ATXN3: variants seen among roughly 807,000 people sequenced by gnomAD.
ATXN3 encodes the protein ataxin 3.
Under a neutral mutation model 58.2 loss-of-function variants are expected in ATXN3, and 28 were observed. That is an observed-to-expected ratio of 0.48 (90% CI 0.36 to 0.66). ATXN3 has a LOEUF of 0.66. Among genes scored for constraint, ATXN3 ranks in the 30% least tolerant of loss-of-function variants. The probability of loss-of-function intolerance (pLI) is 0.00; values close to 1 mark genes in which losing one functional copy is unlikely to be tolerated. For synonymous variants in ATXN3, 113 were observed against 138.5 expected (o/e 0.82, Z 1.29); for missense variants, 321 against 422.1 (o/e 0.76, Z 2.10).
chr14:92,080,811 C>T (rs761770661), intron 9 of ATXN3, 154 bp downstream of exon 9: 1 of 683,336 alleles, frequency 1.5e-6, no homozygotes, highest in South Asian at 1.5e-5. Context: ...GCTAGCATCA[C>T]AGGCGTAAGC....
chr14:92,073,287 G>T (rs747075248), intron 9 of ATXN3, among the ~76,000 whole-genome samples: 1 of 152,240 alleles, frequency 6.6e-6, no homozygotes, highest in Non-Finnish European at 1.5e-5. Context: ...TGTTCAAGTG[G>T]TACTCAGCAT....
downstream of ATXN3, among the ~76,000 whole-genome samples, chr14:92,054,797 C>T (rs548766971): frequency 2.6e-5 from 4 of 152,238 alleles, no homozygotes; most frequent in South Asian, 4.2e-4. Context: ...GTATCATCCC[C>T]GGACTGGCAG....
Position 92,082,356 on chromosome 14 carries a change from A to G in ATXN3, c.719T>C (p.Ile240Thr). ...QRALALSRQEIDMEDEEADLR... is the reference protein window; with the variant it reads ...QRALALSRQETDMEDEEADLR... ...ATCTGCTTCCTCATCTTCCATGTCA[A>G]TTTCTTGGCGACTTAGTGCCAGAGC... is the stretch of plus-strand genomic sequence containing the variant. The change falls in exon 8 of 11, where the codon ATT becomes ACT. Residue 240 changes from isoleucine (I) to threonine (T), a missense_variant. Physicochemically the swap from Ile to Thr is moderately conservative, Grantham distance 89 (BLOSUM62 -1). Coordinates refer to ENST00000644486, the MANE Select transcript of ATXN3 (RefSeq NM_004993.6). 6.2e-7 allele frequency: 1 copy of G among 1,614,028 alleles called. No individual in the cohort carries two copies. Among genetic ancestry groups the G allele is most frequent in the Non-Finnish European group, 8.5e-7 (1 of 1,180,004 alleles).
At position 92,082,455 on chromosome 14, in the gene ATXN3, G is replaced by C; in HGVS notation, c.620C>G (p.Thr207Arg). 1 of 1,613,518 alleles carries C rather than the reference G, an allele frequency of 6.2e-7. No individual in the cohort carries two copies. Among genetic ancestry groups the C allele is most frequent in the Non-Finnish European group, 8.5e-7 (1 of 1,179,674 alleles). ...AQLKEQRVHK[T>R]DLERVLEAND... is the part of the protein sequence containing the mutation. ...TGCTTCTAACACTCGTTCCAGGTCTGTTTTATGGACTCTAAAGAACAAAAG... is the reference window on the plus strand; with the variant it reads ...TGCTTCTAACACTCGTTCCAGGTCTCTTTTATGGACTCTAAAGAACAAAAG... The change falls in exon 8 of 11, where the codon ACA becomes AGA. Residue 207 changes from threonine (T) to arginine (R), a missense_variant. Coordinates refer to ENST00000644486, the MANE Select transcript of ATXN3 (RefSeq NM_004993.6).
At chr14:92,074,408 T>C (rs1354646972) in intron 9 of ATXN3, among the ~76,000 whole-genome samples, 1 of 152,176 alleles carries the variant, frequency 6.6e-6, no homozygotes, top group Non-Finnish European at 1.5e-5. Context: ...GCAAAGCCAT[T>C]TGGGAGATGC....
chr14:92,072,301 A>T (rs992410184), intron 9 of ATXN3, among the ~76,000 whole-genome samples: 6 of 152,328 alleles, frequency 3.9e-5, no homozygotes, highest in African/African-American at 1.4e-4. Flanking sequence ...CAGAAAGGCC[A>T]ATAATTGGGG....
At position 92,106,567 on chromosome 14, in the gene ATXN3, A is replaced by T. The variant is rs773864210; in HGVS notation, c.-15T>A. The T allele has an allele frequency of 1.2e-6, 2 of 1,612,588 alleles. No individual in the cohort carries two copies. The highest frequency in any genetic ancestry group is 1.1e-5 in the South Asian group (1 of 91,030). On this transcript the variant is annotated 5_prime_UTR_variant, in exon 1 of 11. Transcript: ENST00000644486. Reference sequence around the variant, plus strand: ...ATGGACTCCATGTTTATTTGTCTGGAGCCAACGGCCCCCACGCCGAACCAC... The same window carrying T: ...ATGGACTCCATGTTTATTTGTCTGGTGCCAACGGCCCCCACGCCGAACCAC...
chr14:92,082,632 G>GT (rs967500225), intron 7 of ATXN3, among the ~76,000 whole-genome samples, 166 bp from the exon 8 acceptor site: 126 of 144,010 alleles, frequency 8.7e-4, no homozygotes, highest in African/African-American at 1.2e-3. Flanking sequence ...ATCCAACTAA[G>GT]TTTTTTTTTT....
At chr14:92,096,363 A>C in intron 2 of ATXN3, 1 of 1,367,670 alleles carries the variant, frequency 7.3e-7, no homozygotes, top group Non-Finnish European at 9.7e-7. Context: ...GGTGGCTCAC[A>C]CCTATAATCC....
chr14:92,106,259 G>T (rs1258474021), intron 1 of ATXN3, among the ~76,000 whole-genome samples: 1 of 152,262 alleles, frequency 6.6e-6, no homozygotes, highest in East Asian at 1.9e-4. Flanking sequence ...AACCCACTGG[G>T]CGCCACCCCA....
In ATXN3 at chr14:92,081,027, C is replaced by G. The variant is rs2061369217; in HGVS notation, c.810G>C (p.Gln270His). ...SSRNISQDMT[Q>H]TSGTNLTSEE... ...CTGAAGTAAGATTTGTACCTGATGT[C>G]TGTGTCATATCTTGAGATATGTTTC... Residue 270 changes from glutamine (Q) to histidine (H), a missense_variant, in exon 9 of 11, where the codon CAG becomes CAC. Transcript: ENST00000644486. 1.2e-6 allele frequency: 2 copies of G among 1,612,248 alleles called. No individual in the cohort carries two copies. The highest frequency in any genetic ancestry group is 1.7e-6 in the Non-Finnish European group (2 of 1,178,806).
intron 4 of ATXN3, 141 bp downstream of exon 4, chr14:92,093,605 T>C: frequency 1.4e-6 from 1 of 725,124 alleles, no homozygotes; most frequent in Non-Finnish European, 2.3e-6. Flanking sequence ...ATCACAAAGG[T>C]GAAATAGGAA....
upstream of ATXN3, among the ~76,000 whole-genome samples, chr14:92,051,847 C>G (rs2057449262): frequency 6.8e-6 from 1 of 147,258 alleles, no homozygotes; most frequent in Non-Finnish European, 1.5e-5. Flanking sequence ...CCTGCCTTAG[C>G]CTCCTTAGTA....
intron 1 of ATXN3, among the ~76,000 whole-genome samples, chr14:92,100,150 T>C (rs1327699938): frequency 6.6e-6 from 1 of 152,196 alleles, no homozygotes. Flanking sequence ...ACAGAAACTG[T>C]TGTATACTAC....
At chr14:92,106,405 CT>C in intron 1 of ATXN3, 123 bp downstream of exon 1, 1 of 1,302,040 alleles carries the variant, frequency 7.7e-7, no homozygotes, top group South Asian at 1.2e-5. Context: ...GGCGTCGCCC[CT>C]CGCCGGGCGA....
chr14:92,082,314 TGAATAG>T lies in ATXN3; in HGVS notation c.755_760del (p.Ala252_Gln254delinsGlu). On this transcript the variant is annotated inframe_deletion, in exon 8 of 11. Transcript: ENST00000644486. ...AATGTCTTTACCTTGCATACTTAGC[TGAATAG>T]CCCTGCGGAGATCTGCTTCCTCATC... is the stretch of plus-strand genomic sequence containing the variant. 1 of 1,613,774 alleles carries T rather than the reference TGAATAG, an allele frequency of 6.2e-7. No homozygotes were observed. The highest frequency in any genetic ancestry group is 2.2e-5 in the East Asian group (1 of 44,876).
At chr14:92,096,539 G>T (rs555841221) in intron 2 of ATXN3, 135 bp downstream of exon 2, 3 of 925,020 alleles carry the variant, frequency 3.2e-6, no homozygotes, top group Non-Finnish European at 3.2e-6. Context: ...CAGGAGAATC[G>T]CTTGAACCCG....
chr14:92,086,210 C>A (rs8005484), intron 6 of ATXN3, among the ~76,000 whole-genome samples: 39,938 of 143,200 alleles, frequency 0.28, 5,836 homozygotes, highest in East Asian at 0.43. Context: ...GAATTCGAGA[C>A]CAACCTGGCC....
chr14:92,051,718 C>CT (rs1160650510), upstream of ATXN3, among the ~76,000 whole-genome samples: 9,952 of 35,328 alleles, frequency 0.28, 4,337 homozygotes, highest in Non-Finnish European at 0.38. Context: ...CTTTTCCTTT[C>CT]TTTTTTTTTT....
Sources: gnomAD v4.1 joint callset for allele counts (sites outside exome capture counted in the v4.1 genomes callset) on GRCh38, gnomAD v4.1.1 for gene constraint, MANE v1.5 for transcripts, NCBI Gene and HGNC (gene_info 2026-07-23, HGNC 2026-07-21) for gene names.